The following UNC13C variants were observed in gnomAD, a reference collection of about 807,000 sequenced individuals.
The protein encoded by UNC13C is protein unc-13 homolog C.
UNC13C carries 174 observed loss-of-function variants against 245.4 expected under a neutral mutation model. The ratio of observed to expected loss-of-function variants is 0.71; its 90% CI spans 0.63 to 0.80. UNC13C has a LOEUF of 0.80. Ranked by LOEUF, UNC13C falls within the 30% of genes least tolerant of loss-of-function variation. The pLI, the probability that UNC13C is intolerant of heterozygous loss-of-function variation, is 0.00. For synonymous variants in UNC13C, 992 were observed against 895.1 expected, an observed-to-expected ratio of 1.11 and a Z score of -1.93; for missense variants, 2,829 against 2,602.9, an observed-to-expected ratio of 1.09 and a Z score of -1.89.
chr15:54,333,247 C>CAA (rs2038486893), intron 15 of UNC13C, among the ~76,000 whole-genome samples: 1 of 152,078 alleles, frequency 6.6e-6, no homozygotes. Context: ...TGCTTCTCAT[C>CAA]AAACCTCGCT....
chr15:54,484,749 A>G (rs973351589), intron 19 of UNC13C, among the ~76,000 whole-genome samples: 1 of 152,158 alleles, frequency 6.6e-6, no homozygotes, highest in African/African-American at 2.4e-5. Context: ...AGAAATTCCT[A>G]CAGTTTGTTT....
chr15:54,615,177 A>G (rs1445843397), intron 30 of UNC13C, among the ~76,000 whole-genome samples: 1 of 152,014 alleles, frequency 6.6e-6, no homozygotes, highest in African/African-American at 2.4e-5. Flanking sequence ...GGAAGGGGAC[A>G]TCTATCTCCT....
At chr15:54,076,434 G>A (rs1316044403) in intron 2 of UNC13C, among the ~76,000 whole-genome samples, 2 of 151,968 alleles carry the variant, frequency 1.3e-5, no homozygotes, top group Admixed American at 6.6e-5. Flanking sequence ...CAAAGGACAT[G>A]AACTCATCAT....
intron 2 of UNC13C, among the ~76,000 whole-genome samples, chr15:54,064,998 C>A (rs1306538739): frequency 6.6e-6 from 1 of 152,160 alleles, no homozygotes. Context: ...TAGAAAACTT[C>A]CTATGTTTAA....
At chr15:54,415,284 T>G (rs567547283) in intron 19 of UNC13C, among the ~76,000 whole-genome samples, 6 of 152,154 alleles carry the variant, frequency 3.9e-5, no homozygotes, top group Non-Finnish European at 8.8e-5. Flanking sequence ...TGGTCTAAGT[T>G]CTTGGATCAT....
chr15:54,497,451 A>C (rs1472123058), intron 20 of UNC13C, among the ~76,000 whole-genome samples: 2 of 152,086 alleles, frequency 1.3e-5, no homozygotes, highest in African/African-American at 2.4e-5. Context: ...GATTTGTGAG[A>C]CCAAGATCCC....
chr15:54,342,153 G>C (rs2038749498), intron 17 of UNC13C, among the ~76,000 whole-genome samples: 1 of 151,930 alleles, frequency 6.6e-6, no homozygotes, highest in Non-Finnish European at 1.5e-5. Flanking sequence ...TTTTGTGTGT[G>C]TTTCTCTTGG....
At chr15:54,580,274 CA>C (rs1688409204) in intron 30 of UNC13C, among the ~76,000 whole-genome samples, 1 of 152,172 alleles carries the variant, frequency 6.6e-6, no homozygotes, top group Non-Finnish European at 1.5e-5. Flanking sequence ...TTTTCTCCTA[CA>C]GTTATCCTTT....
intron 17 of UNC13C, among the ~76,000 whole-genome samples, chr15:54,346,458 G>A (rs1367010187): frequency 6.6e-6 from 1 of 152,102 alleles, no homozygotes; most frequent in East Asian, 1.9e-4. Flanking sequence ...ATCTTCTCCA[G>A]ATAATATGAT....
intron 2 of UNC13C, among the ~76,000 whole-genome samples, chr15:54,097,461 G>C (rs888072401): frequency 6.6e-6 from 1 of 152,120 alleles, no homozygotes; most frequent in African/African-American, 2.4e-5. Flanking sequence ...CGGTACTGAT[G>C]AATTACAATG....
chr15:54,440,777 A>G (rs928275802), intron 19 of UNC13C, among the ~76,000 whole-genome samples: 2 of 152,080 alleles, frequency 1.3e-5, no homozygotes, highest in African/African-American at 4.8e-5. Context: ...TTCCACCAAC[A>G]ACGTATAAGT....
chr15:54,040,320 G>T (rs1896757735), intron 2 of UNC13C, among the ~76,000 whole-genome samples: 1 of 152,140 alleles, frequency 6.6e-6, no homozygotes, highest in African/African-American at 2.4e-5. Flanking sequence ...CTGTAGGCAG[G>T]TGGGTCCAAT....
intron 15 of UNC13C, 37 bp downstream of exon 15, chr15:54,332,148 G>A: frequency 7.2e-7 from 1 of 1,395,480 alleles, no homozygotes; most frequent in Non-Finnish European, 9.7e-7. Context: ...GAAAACTGTT[G>A]TTTGGTCTAG....
chr15:54,564,288 C>T (rs1455025021), intron 29 of UNC13C, among the ~76,000 whole-genome samples: 1 of 151,942 alleles, frequency 6.6e-6, no homozygotes, highest in Non-Finnish European at 1.5e-5. Context: ...CTGCTAGAGA[C>T]TTTAACGGAA....
intron 2 of UNC13C, among the ~76,000 whole-genome samples, chr15:54,121,183 C>A (rs1400426764): frequency 1.3e-5 from 2 of 152,074 alleles, no homozygotes; most frequent in Non-Finnish European, 2.9e-5. Flanking sequence ...ATGTGCCAAG[C>A]TTCACTGTTG....
At chr15:54,374,258 G>T (rs1239364021) in intron 17 of UNC13C, among the ~76,000 whole-genome samples, 1 of 152,152 alleles carries the variant, frequency 6.6e-6, no homozygotes, top group East Asian at 1.9e-4. Flanking sequence ...CCAGCTTCAG[G>T]CCTTCCCAGG....
intron 18 of UNC13C, among the ~76,000 whole-genome samples, chr15:54,402,023 A>G (rs1245785395): frequency 6.6e-6 from 1 of 151,688 alleles, no homozygotes; most frequent in Non-Finnish European, 1.5e-5. Context: ...GAAATGACAC[A>G]TGTATTTCAA....
chr15:53,925,542 G>A, the UNC13C span, among the ~76,000 whole-genome samples: 1 of 152,158 alleles, frequency 6.6e-6, no homozygotes, highest in Non-Finnish European at 1.5e-5. Context: ...GAATAGAAGT[G>A]TCAAGCAGGA....
intron 2 of UNC13C, among the ~76,000 whole-genome samples, chr15:54,109,832 A>G (rs1360135724): frequency 6.6e-6 from 1 of 152,104 alleles, no homozygotes; most frequent in Non-Finnish European, 1.5e-5. Context: ...CCTCCTCCCA[A>G]CATAATCTGT....
Sources: allele counts gnomAD v4.1 joint callset (sites outside exome capture counted in the v4.1 genomes callset), GRCh38; gene constraint gnomAD v4.1.1; transcripts MANE v1.5; gene names NCBI Gene and HGNC (gene_info 2026-07-23, HGNC 2026-07-21).